Variants in RAPGEF2 observed in about 807,000 individuals in gnomAD.
The protein encoded by RAPGEF2 is PDZ domain containing guanine nucleotide exchange factor (GEF) 1.
Under a neutral mutation model 186.7 loss-of-function variants are expected in RAPGEF2, and 54 were observed. That is an observed-to-expected ratio of 0.29 (90% CI 0.23 to 0.36). The LOEUF is 0.36. RAPGEF2 is among the 10% of genes least tolerant of loss of function. RAPGEF2 has a pLI of 1.00. For synonymous variants in RAPGEF2, 712 were observed against 705.9 expected (o/e 1.01, Z -0.14); for missense variants, 1,532 against 2,045.0 (o/e 0.75, Z 4.84).
At chr4:159,283,192 A>G (rs1247424894) in intron 7 of RAPGEF2, among the ~76,000 whole-genome samples, 1 of 152,156 alleles carries the variant, frequency 6.6e-6, no homozygotes, top group African/African-American at 2.4e-5. Flanking sequence ...TTAATGATAT[A>G]CATAGTACCT....
chr4:159,350,904 CA>C (rs1229663534), intron 26 of RAPGEF2, among the ~76,000 whole-genome samples: 1 of 152,174 alleles, frequency 6.6e-6, no homozygotes, highest in Non-Finnish European at 1.5e-5. Context: ...AAAGGAAAGC[CA>C]AAAGGGCTTA....
intron 1 of RAPGEF2, among the ~76,000 whole-genome samples, chr4:159,132,968 A>T (rs1275856521): frequency 1.3e-5 from 2 of 151,246 alleles, no homozygotes; most frequent in African/African-American, 2.4e-5. Flanking sequence ...CACCTGCCTA[A>T]CTCCCAGTTC....
Position 159,187,117 on chromosome 4 carries a change from C to A in RAPGEF2, c.140+405C>A, listed in dbSNP as rs530257629. ...AGGAATCTTATTCATGAAAAGTCTG[C>A]TTCATCTAGGTCCTATACTAAGGAG... On this transcript the variant is annotated intron_variant, in intron 2 of 29. Transcript: ENST00000691494. Among the ~76,000 whole-genome samples the A allele has an allele frequency of 3.3e-5, 5 of 152,226 alleles. No individual in the cohort carries two copies. The East Asian group carries it at 9.6e-4, about 29-fold the overall frequency.
chr4:159,222,509 A>G (rs1385375932), intron 4 of RAPGEF2, among the ~76,000 whole-genome samples: 1 of 152,190 alleles, frequency 6.6e-6, no homozygotes, highest in South Asian at 2.1e-4. Context: ...ATAATGCTAT[A>G]TTTCATAAAG....
chr4:159,309,008 T>A (rs1343185324), intron 8 of RAPGEF2, among the ~76,000 whole-genome samples: 1 of 152,208 alleles, frequency 6.6e-6, no homozygotes, highest in Non-Finnish European at 1.5e-5. Flanking sequence ...GTGATTTCCC[T>A]CTGCTCTGTT....
intron 1 of RAPGEF2, among the ~76,000 whole-genome samples, chr4:159,175,909 G>GT (rs1746406863): frequency 6.6e-6 from 1 of 152,154 alleles, no homozygotes; most frequent in Non-Finnish European, 1.5e-5. Flanking sequence ...TCCACCGTTC[G>GT]TTGCTAGATG....
chr4:159,104,557 T>TGG (rs1737655327), intron 1 of RAPGEF2, among the ~76,000 whole-genome samples: 1 of 140,756 alleles, frequency 7.1e-6, no homozygotes, highest in African/African-American at 2.8e-5. Flanking sequence ...AGAGAGAGTG[T>TGG]GTGTGTGTGT....
intron 1 of RAPGEF2, among the ~76,000 whole-genome samples, chr4:159,182,667 A>G (rs1213172240): frequency 6.6e-6 from 1 of 152,130 alleles, no homozygotes; most frequent in Non-Finnish European, 1.5e-5. Flanking sequence ...AAATGCTGGG[A>G]TTACAGGCGT....
chr4:159,350,390 CA>C, intron 26 of RAPGEF2, 101 bp downstream of exon 26: 2 of 1,017,138 alleles, frequency 2.0e-6, no homozygotes, highest in South Asian at 3.6e-5. Context: ...ACATTATAGT[CA>C]TTTAAGATGA....
chr4:159,325,136 A>C (rs868198466), intron 11 of RAPGEF2, among the ~76,000 whole-genome samples: 1 of 152,160 alleles, frequency 6.6e-6, no homozygotes, highest in African/African-American at 2.4e-5. Flanking sequence ...TATCTATAGA[A>C]TCTAAATAAT....
chr4:159,137,511 A>G (rs1019029630), intron 1 of RAPGEF2, among the ~76,000 whole-genome samples: 3 of 152,150 alleles, frequency 2.0e-5, no homozygotes, highest in Non-Finnish European at 4.4e-5. Context: ...GTACTATCAC[A>G]TGAGATTAGG....
chr4:159,112,019 T>C (rs147606906), intron 1 of RAPGEF2, among the ~76,000 whole-genome samples: 5 of 152,368 alleles, frequency 3.3e-5, no homozygotes, highest in African/African-American at 9.6e-5. Flanking sequence ...ATCACTAATC[T>C]GTTCCATTTC....
chr4:159,272,705 G>A (rs1233506582), intron 7 of RAPGEF2, among the ~76,000 whole-genome samples: 1 of 152,140 alleles, frequency 6.6e-6, no homozygotes, highest in Non-Finnish European at 1.5e-5. Flanking sequence ...AACATGTGAG[G>A]GCCCAAGGCA....
chr4:159,232,075 C>G (rs1246753689), intron 4 of RAPGEF2, among the ~76,000 whole-genome samples: 2 of 152,068 alleles, frequency 1.3e-5, no homozygotes, highest in African/African-American at 4.8e-5. Context: ...CCCAGATATC[C>G]TGTCTATAGT....
At chr4:159,130,013 A>G (rs762379447) in intron 1 of RAPGEF2, among the ~76,000 whole-genome samples, 1 of 152,246 alleles carries the variant, frequency 6.6e-6, no homozygotes, top group Non-Finnish European at 1.5e-5. Context: ...GATTTTCCCC[A>G]GAACTGAGGT....
intron 1 of RAPGEF2, among the ~76,000 whole-genome samples, chr4:159,168,638 T>C (rs146522675): frequency 2.0e-4 from 31 of 152,300 alleles, no homozygotes; most frequent in South Asian, 6.2e-4. Flanking sequence ...TAAATTTAAA[T>C]AGTAAAAGGG....
intron 1 of RAPGEF2, among the ~76,000 whole-genome samples, chr4:159,104,553 AGTGTGTGTGT>A (rs1219918425): frequency 1.5e-5 from 2 of 136,028 alleles, no homozygotes; most frequent in African/African-American, 2.9e-5. Context: ...AGAGAGAGAG[AGTGTGTGTGT>A]GTGTGTGTAT....
chr4:159,354,111 T>C, intron 28 of RAPGEF2, 65 bp downstream of exon 28: 1 of 1,417,442 alleles, frequency 7.1e-7, no homozygotes, highest in South Asian at 1.5e-5. Flanking sequence ...CTTATTACAA[T>C]AGTAAAATTA....
intron 1 of RAPGEF2, among the ~76,000 whole-genome samples, chr4:159,169,071 A>G (rs1308748718): frequency 3.3e-5 from 5 of 152,254 alleles, no homozygotes. Flanking sequence ...TGTATCCCCA[A>G]GGCAACATCC....
Sources: gnomAD v4.1 joint callset for allele counts (sites outside exome capture counted in the v4.1 genomes callset) on GRCh38, gnomAD v4.1.1 for gene constraint, MANE v1.5 for transcripts, NCBI Gene and HGNC (gene_info 2026-07-23, HGNC 2026-07-21) for gene names.